Variants in MAP4 observed in about 807,000 individuals in gnomAD.
MAP4 encodes the protein microtubule-associated protein 4.
Under a neutral mutation model 170.2 loss-of-function variants are expected in MAP4, and 76 were observed. The observed-to-expected ratio is 0.45, with a 90% CI of 0.37 to 0.54. MAP4 has a LOEUF of 0.54. Ranked by LOEUF, MAP4 falls within the 20% of genes least tolerant of loss-of-function variation. The pLI, the probability that MAP4 is intolerant of heterozygous loss-of-function variation, is 0.00. For missense variants in MAP4, 2,506 were observed against 2,748.0 expected (o/e 0.91, Z 1.97); for synonymous variants, 909 against 994.5 (o/e 0.91, Z 1.62).
intron 3 of MAP4, among the ~76,000 whole-genome samples, chr3:47,932,778 C>G (rs946919124): frequency 6.6e-6 from 1 of 152,272 alleles, no homozygotes; most frequent in South Asian, 2.1e-4. Context: ...TCGGGTGCAG[C>G]GGCTGTTCAC....
chr3:48,019,437 T>G (rs1212778942), upstream of MAP4, among the ~76,000 whole-genome samples: 1 of 152,164 alleles, frequency 6.6e-6, no homozygotes, highest in Non-Finnish European at 1.5e-5. Flanking sequence ...ATTAAAATAT[T>G]AAATCTCTAT....
chr3:48,061,901 C>T (rs942521753), intron 1 of MAP4, among the ~76,000 whole-genome samples: 1 of 139,770 alleles, frequency 7.2e-6, no homozygotes, highest in African/African-American at 2.7e-5. Flanking sequence ...TCCGCCCGGC[C>T]GCCACCCCGT....
At chr3:48,012,717 A>G (rs907838534) in intron 1 of MAP4, among the ~76,000 whole-genome samples, 1 of 152,118 alleles carries the variant, frequency 6.6e-6, no homozygotes, top group Non-Finnish European at 1.5e-5. Context: ...TTCATGGAAT[A>G]TGAACAGTAG....
At chr3:47,875,651 T>G in intron 12 of MAP4, 34 bp downstream of exon 12, 1 of 1,574,412 alleles carries the variant, frequency 6.4e-7, no homozygotes, top group South Asian at 1.1e-5. Context: ...AGGGGAACAA[T>G]TTTCCTCGGC....
intron 1 of MAP4, chr3:48,039,513 A>G (rs2100120550): frequency 6.6e-6 from 1 of 152,598 alleles, no homozygotes; most frequent in Non-Finnish European, 1.5e-5. Flanking sequence ...GATGAGTGGG[A>G]AACTATATCA....
chr3:48,056,849 G>T (rs1284510814), intron 1 of MAP4, among the ~76,000 whole-genome samples: 3 of 108,426 alleles, frequency 2.8e-5, no homozygotes, highest in Admixed American at 8.7e-5. Flanking sequence ...GTGGGGGGGG[G>T]GTCAGCCCCC....
chr3:48,048,552 C>A (rs544261267), intron 1 of MAP4, among the ~76,000 whole-genome samples: 1 of 112,962 alleles, frequency 8.9e-6, no homozygotes, highest in African/African-American at 3.5e-5. Context: ...AGTCTTCACT[C>A]TGTCACTCAG....
Position 47,872,101 on chromosome 3 carries a change from C to A in MAP4, c.5758-1G>T. The A allele has an allele frequency of 2.5e-6, 4 of 1,604,388 alleles. No individual in the cohort carries two copies. Among genetic ancestry groups the A allele is most frequent in the Non-Finnish European group, 3.4e-6 (4 of 1,173,826 alleles). ...CAGGAGCCTTTGCATCTGCAATGGG[C>A]TGGAAATAGGAAAGTGGGAATGAGG... On this transcript the variant is annotated splice_acceptor_variant, in intron 12 of 20. Coordinates refer to ENST00000683076, the MANE Select transcript of MAP4 (RefSeq NM_001385682.1). LOFTEE classifies it high-confidence loss of function.
chr3:48,005,983 AT>A (rs2100102095), intron 1 of MAP4, among the ~76,000 whole-genome samples: 1 of 152,220 alleles, frequency 6.6e-6, no homozygotes, highest in Admixed American at 6.5e-5. Context: ...CAAAGTGACA[AT>A]CAGAATAGTC....
chr3:48,043,816 TTAA>T (rs1438830448), intron 1 of MAP4, among the ~76,000 whole-genome samples: 2 of 152,104 alleles, frequency 1.3e-5, no homozygotes, highest in African/African-American at 4.8e-5. Flanking sequence ...ATCATAATAA[TTAA>T]TGAGAAAAAC....
At chr3:48,013,013 G>T (rs2100106081) in intron 1 of MAP4, among the ~76,000 whole-genome samples, 1 of 151,540 alleles carries the variant, frequency 6.6e-6, no homozygotes, top group Non-Finnish European at 1.5e-5. Context: ...ATAAATTAAA[G>T]CGATTATCCA....
intron 10 of MAP4, among the ~76,000 whole-genome samples, chr3:47,880,487 T>TA (rs1559878631): frequency 6.8e-6 from 1 of 147,488 alleles, no homozygotes; most frequent in Non-Finnish European, 1.5e-5. Context: ...TTTTTTTTTT[T>TA]AAGAGATGAA....
chr3:47,975,604 C>A (rs1367447688), intron 3 of MAP4: 1 of 714,856 alleles, frequency 1.4e-6, no homozygotes, highest in African/African-American at 1.8e-5. Flanking sequence ...CTGGTTTGCT[C>A]TCGGGACTAT....
chr3:47,954,135 C>T (rs1473828542), intron 3 of MAP4, among the ~76,000 whole-genome samples: 1 of 152,120 alleles, frequency 6.6e-6, no homozygotes, highest in African/African-American at 2.4e-5. Context: ...TTCCCCTAGA[C>T]ATGGGTTGGC....
rs1351124756 is a variant in MAP4, at chr3:47,980,305, A to G, written c.224-2372T>C. Among the ~76,000 whole-genome samples, 8 of 152,332 alleles carry G rather than the reference A, an allele frequency of 5.3e-5. No individual in the cohort carries two copies. In the East Asian group the frequency reaches 7.7e-4, roughly 15 times the overall value. On this transcript the variant is annotated intron_variant, in intron 2 of 20. Transcript: ENST00000683076. The stretch of plus-strand genomic sequence containing the variant: ...CAACTTTTTCTGAAAGTCTCTGACT[A>G]TATCTAACATTTTAGCAACCAGCCT...
At chr3:48,024,379 T>C (rs1443515966) in intron 1 of MAP4, among the ~76,000 whole-genome samples, 2 of 152,136 alleles carry the variant, frequency 1.3e-5, no homozygotes, top group Non-Finnish European at 2.9e-5. Context: ...AAGATGGGGA[T>C]TCTGTTTCTT....
At chr3:48,066,888 T>G (rs1476305116) in intron 1 of MAP4, among the ~76,000 whole-genome samples, 2 of 120,696 alleles carry the variant, frequency 1.7e-5, no homozygotes, top group African/African-American at 6.4e-5. Context: ...TCGCCCAGGC[T>G]GGAGAGCAGT....
At chr3:47,903,041 C>T in intron 9 of MAP4, 41 bp from the exon 10 acceptor site, 4 of 913,324 alleles carry the variant, frequency 4.4e-6, no homozygotes, top group Non-Finnish European at 5.2e-6. Context: ...GAAGACCAGG[C>T]TTCACTATGG....
At chr3:48,062,019 AC>A (rs1197134581) in intron 1 of MAP4, among the ~76,000 whole-genome samples, 2 of 152,158 alleles carry the variant, frequency 1.3e-5, no homozygotes, top group Non-Finnish European at 2.9e-5. Context: ...CTCACTGGGA[AC>A]GGGCCATGAT....
Sources: allele counts gnomAD v4.1 joint callset (sites outside exome capture counted in the v4.1 genomes callset), GRCh38; gene constraint gnomAD v4.1.1; transcripts MANE v1.5; gene names NCBI Gene and HGNC (gene_info 2026-07-23, HGNC 2026-07-21).